SRD5A2: variants seen among roughly 807,000 people sequenced by gnomAD.
SRD5A2 encodes the protein 3-oxo-5-alpha-steroid 4-dehydrogenase 2.
A neutral mutation model predicts 27.4 loss-of-function variants in SRD5A2; 30 were observed. The observed-to-expected ratio is 1.10, with a 90% confidence interval of 0.82 to 1.49. The LOEUF (loss-of-function observed/expected upper bound fraction) is 1.49. Among genes scored for constraint, SRD5A2 ranks in the 40% most tolerant of loss-of-function variants. SRD5A2 has a pLI of 0.00. For missense variants in SRD5A2, 348 were observed against 323.4 expected (o/e 1.08, Z -0.58); for synonymous variants, 141 against 133.6 (o/e 1.06, Z -0.38).
upstream of SRD5A2, among the ~76,000 whole-genome samples, chr2:31,581,340 C>G (rs1667080143): frequency 1.3e-5 from 2 of 152,158 alleles, no homozygotes; most frequent in African/African-American, 4.8e-5. Context: ...CCTCGAACAC[C>G]CAAGCCAAGG....
chr2:31,542,497 A>G (rs1415948439), intron 1 of SRD5A2, among the ~76,000 whole-genome samples: 1 of 152,178 alleles, frequency 6.6e-6, no homozygotes, highest in Non-Finnish European at 1.5e-5. Context: ...TGACAGAGCA[A>G]GAACCTGTCT....
the SRD5A2 span, among the ~76,000 whole-genome samples, chr2:31,604,112 G>A: frequency 1.3e-5 from 2 of 151,576 alleles, no homozygotes; most frequent in African/African-American, 4.8e-5. Context: ...TCAAAAACTG[G>A]GTATAGAAGG....
rs572867530 is a variant in SRD5A2, at chr2:31,524,901, C to G, written c.*1295G>C. 114 of 226,638 alleles carry G rather than the reference C, an allele frequency of 5.0e-4. No homozygotes were observed. The highest frequency in any genetic ancestry group is 2.0e-3 in the African/African-American group (92 of 45,084). 14.0% of individuals were successfully genotyped at this position (226,638 alleles called of 1,614,324 possible). ...ACCCCTTCACAAGAGTTTGCAAACT[C>G]AAATGCTTACTAGCTACGTAGTTCC... On this transcript the variant is annotated 3_prime_UTR_variant, in exon 5 of 5. Coordinates refer to ENST00000622030, the MANE Select transcript of SRD5A2 (RefSeq NM_000348.4).
chr2:31,626,341 C>G, the SRD5A2 span, among the ~76,000 whole-genome samples: 6 of 152,072 alleles, frequency 3.9e-5, no homozygotes, highest in Non-Finnish European at 8.8e-5. Flanking sequence ...TCATTGGATA[C>G]CCTTTATTTC....
the SRD5A2 span, among the ~76,000 whole-genome samples, chr2:31,624,643 T>C: frequency 6.6e-6 from 1 of 152,154 alleles, no homozygotes; most frequent in South Asian, 2.1e-4. Context: ...TTGCTGAGAA[T>C]GATGGTTTCC....
At chr2:31,536,738 G>A (rs1028581587) in intron 1 of SRD5A2, among the ~76,000 whole-genome samples, 4 of 152,170 alleles carry the variant, frequency 2.6e-5, no homozygotes, top group Admixed American at 2.0e-4. Context: ...TGACAGAAGC[G>A]GGAGAGAGTC....
the SRD5A2 span, among the ~76,000 whole-genome samples, chr2:31,597,765 C>A: frequency 6.6e-6 from 1 of 152,120 alleles, no homozygotes. Context: ...CCACCTTACT[C>A]CAGCAAGATT....
At chr2:31,645,484 T>C in the SRD5A2 span, among the ~76,000 whole-genome samples, 2 of 152,230 alleles carry the variant, frequency 1.3e-5, no homozygotes, top group Non-Finnish European at 2.9e-5. Flanking sequence ...TGGTCATCTA[T>C]TTGTTATTTT....
At chr2:31,536,590 C>A (rs1049266418) in intron 1 of SRD5A2, among the ~76,000 whole-genome samples, 1 of 152,156 alleles carries the variant, frequency 6.6e-6, no homozygotes, top group African/African-American at 2.4e-5. Context: ...GTTTGGTGAA[C>A]ACATGGTACA....
the SRD5A2 span, among the ~76,000 whole-genome samples, chr2:31,627,714 T>C: frequency 6.6e-6 from 1 of 152,140 alleles, no homozygotes; most frequent in African/African-American, 2.4e-5. Flanking sequence ...CCTGCCTTAA[T>C]TTCATTATTT....
At position 31,574,903 on chromosome 2, in the gene SRD5A2, T is replaced by C. The variant is rs1322680700; in HGVS notation, c.281+5717A>G. ...AAAGCTTTATTGGAATACAACCACATTCATCTGTTTACATAATGTCTGTAG... is the reference window on the plus strand; with the variant it reads ...AAAGCTTTATTGGAATACAACCACACTCATCTGTTTACATAATGTCTGTAG... On this transcript the variant is annotated intron_variant, in intron 1 of 4. Transcript: ENST00000622030. Among the ~76,000 whole-genome samples, 6 of 152,246 alleles carry C rather than the reference T, an allele frequency of 3.9e-5. No individual in the cohort carries two copies. In the East Asian group the frequency reaches 1.2e-3, roughly 29 times the overall value.
the SRD5A2 span, among the ~76,000 whole-genome samples, chr2:31,632,992 C>T: frequency 6.6e-6 from 1 of 152,068 alleles, no homozygotes; most frequent in East Asian, 1.9e-4. Flanking sequence ...ATTGGCTGTA[C>T]ATGCCACCTA....
the SRD5A2 span, among the ~76,000 whole-genome samples, chr2:31,629,104 C>T: frequency 4.6e-5 from 7 of 152,220 alleles, no homozygotes; most frequent in South Asian, 2.1e-4. Context: ...CCCCCAATGC[C>T]GGTCTAGAAA....
chr2:31,523,102 A>G lies in SRD5A2; in HGVS notation c.*3094T>C. 4.6e-6 allele frequency: 1 copy of G among 217,318 alleles called. No individual in the cohort carries two copies. The highest frequency in any genetic ancestry group is 9.3e-6 in the Non-Finnish European group (1 of 108,022). 13.5% of individuals were successfully genotyped at this position (217,318 alleles called of 1,614,324 possible). A position where few individuals can be genotyped will look rare whatever the true frequency, so the allele number is the denominator to read the frequency against. Reference sequence around the variant, plus strand: ...TACAGTGGAGCCACTGTTGTTCTTTATGAAAGTAAGCATTAGGGATAAGGG... The same window carrying G: ...TACAGTGGAGCCACTGTTGTTCTTTGTGAAAGTAAGCATTAGGGATAAGGG... On this transcript the variant is annotated 3_prime_UTR_variant, in exon 5 of 5. Transcript: ENST00000622030.
intron 1 of SRD5A2, among the ~76,000 whole-genome samples, chr2:31,545,730 A>C (rs1300661778): frequency 1.3e-5 from 2 of 152,214 alleles, no homozygotes; most frequent in Non-Finnish European, 2.9e-5. Flanking sequence ...GACAAGGAAA[A>C]GAAATCAAAG....
At chr2:31,631,348 A>C in the SRD5A2 span, among the ~76,000 whole-genome samples, 9 of 152,160 alleles carry the variant, frequency 5.9e-5, no homozygotes, top group Admixed American at 4.6e-4. Flanking sequence ...CTAATCCGAT[A>C]AGCAGAGGTC....
chr2:31,565,923 ACAATTATTACGATTGATAGACC>A (rs1666719586), intron 1 of SRD5A2, among the ~76,000 whole-genome samples: 2 of 152,052 alleles, frequency 1.3e-5, no homozygotes, highest in Non-Finnish European at 2.9e-5. Flanking sequence ...TTTACACAGA[ACAATTATTACGATTGATAGACC>A]CAATTCTGGG....
At chr2:31,661,632 T>C in the SRD5A2 span, among the ~76,000 whole-genome samples, 1 of 152,186 alleles carries the variant, frequency 6.6e-6, no homozygotes, top group Non-Finnish European at 1.5e-5. Flanking sequence ...TTTTCAGCAG[T>C]TGACTCTTAC....
At chr2:31,648,723 T>C in the SRD5A2 span, among the ~76,000 whole-genome samples, 1 of 152,248 alleles carries the variant, frequency 6.6e-6, no homozygotes, top group African/African-American at 2.4e-5. Flanking sequence ...TTTGAGCATC[T>C]ATGAACTTGA....
Sources: allele counts gnomAD v4.1 joint callset (sites outside exome capture counted in the v4.1 genomes callset), GRCh38; gene constraint gnomAD v4.1.1; transcripts MANE v1.5; gene names NCBI Gene and HGNC (gene_info 2026-07-23, HGNC 2026-07-21).